The following ST3GAL3 variants were observed in gnomAD, a reference collection of about 807,000 sequenced individuals.
ST3GAL3 encodes the protein ST3 beta-galactoside alpha-2,3-sialyltransferase 3.
ST3GAL3 carries 21 observed loss-of-function variants against 50.1 expected under a neutral mutation model. The observed-to-expected ratio is 0.42, with a 90% CI of 0.30 to 0.60. The LOEUF (loss-of-function observed/expected upper bound fraction) is 0.60, where lower values mean the gene tolerates loss of function less well. Among genes scored for constraint, ST3GAL3 ranks in the 20% least tolerant of loss-of-function variants. The probability of loss-of-function intolerance (pLI) is 0.19; values close to 1 mark genes in which losing one functional copy is unlikely to be tolerated. For missense variants in ST3GAL3, 353 were observed against 489.4 expected (o/e 0.72, Z 2.63); for synonymous variants, 183 against 190.0 (o/e 0.96, Z 0.30).
At chr1:43,825,525 G>C (rs1230340478) in intron 4 of ST3GAL3, among the ~76,000 whole-genome samples, 1 of 152,168 alleles carries the variant, frequency 6.6e-6, no homozygotes, top group African/African-American at 2.4e-5. Flanking sequence ...AAATGTATGT[G>C]TAAAGATGTA....
intron 5 of ST3GAL3, chr1:43,840,489 A>G (rs899100232): frequency 1.3e-5 from 2 of 152,072 alleles, no homozygotes; most frequent in Non-Finnish European, 1.5e-5. Context: ...CATTAACTCA[A>G]AAGTCCTACT....
intron 2 of ST3GAL3, among the ~76,000 whole-genome samples, chr1:43,769,216 T>C (rs536039668): frequency 6.5e-4 from 99 of 152,340 alleles, no homozygotes; most frequent in Non-Finnish European, 1.3e-3. Flanking sequence ...CATGTGTTGA[T>C]GCTGGAACTG....
intron 1 of ST3GAL3, among the ~76,000 whole-genome samples, chr1:43,714,231 T>C (rs1364881620): frequency 6.9e-6 from 1 of 145,638 alleles, no homozygotes; most frequent in Non-Finnish European, 1.5e-5. Flanking sequence ...GCCACTGCAC[T>C]CCAGCCTGGG....
chr1:43,720,097 G>T (rs905805199), intron 1 of ST3GAL3, among the ~76,000 whole-genome samples: 1 of 152,034 alleles, frequency 6.6e-6, no homozygotes, highest in East Asian at 1.9e-4. Flanking sequence ...AGAATAATTG[G>T]CTAGGCATGT....
chr1:43,801,385 A>G (rs1269392878), intron 3 of ST3GAL3: 1 of 456,148 alleles, frequency 2.2e-6, no homozygotes, highest in Non-Finnish European at 4.4e-6. Flanking sequence ...CTCATCATGT[A>G]CAACCGTATT....
At chr1:43,888,226 C>T (rs2076236877) in intron 5 of ST3GAL3, among the ~76,000 whole-genome samples, 1 of 152,024 alleles carries the variant, frequency 6.6e-6, no homozygotes, top group South Asian at 2.1e-4. Context: ...CATGAAAACA[C>T]ACAAGTACTA....
intron 5 of ST3GAL3, among the ~76,000 whole-genome samples, chr1:43,859,321 A>G (rs962450848): frequency 6.6e-6 from 1 of 152,166 alleles, no homozygotes; most frequent in East Asian, 1.9e-4. Context: ...ACTTCCGAAC[A>G]TAGTTTGAAA....
chr1:43,743,252 C>T (rs1681838408), intron 2 of ST3GAL3, among the ~76,000 whole-genome samples: 1 of 150,716 alleles, frequency 6.6e-6, no homozygotes, highest in African/African-American at 2.4e-5. Context: ...AACAGAGCCC[C>T]CTTATAGAGC....
chr1:43,817,745 T>TCC (rs149156219), intron 4 of ST3GAL3, among the ~76,000 whole-genome samples: 15 of 41,324 alleles, frequency 3.6e-4, no homozygotes, highest in Non-Finnish European at 8.5e-4. Flanking sequence ...CTCCTCCTCC[T>TCC]TCTTCCTCCT....
At chr1:43,929,176 C>T (rs1297937920) in intron 11 of ST3GAL3, among the ~76,000 whole-genome samples, 1 of 152,130 alleles carries the variant, frequency 6.6e-6, no homozygotes, top group Non-Finnish European at 1.5e-5. Flanking sequence ...CAAATGTGCT[C>T]ACCATAAAAA....
intron 9 of ST3GAL3, among the ~76,000 whole-genome samples, chr1:43,906,239 C>T (rs2079618233): frequency 7.3e-6 from 1 of 137,462 alleles, no homozygotes; most frequent in African/African-American, 2.8e-5. Context: ...CCTCCTGCTC[C>T]TCTTCCTGCC....
intron 4 of ST3GAL3, among the ~76,000 whole-genome samples, chr1:43,817,627 CT>C (rs2061503653): frequency 8.1e-6 from 1 of 122,894 alleles, no homozygotes; most frequent in Non-Finnish European, 1.7e-5. Context: ...CTCCTCCTCC[CT>C]TCTCCTCCTC....
chr1:43,804,018 G>T (rs761819094), intron 3 of ST3GAL3, among the ~76,000 whole-genome samples: 12 of 152,192 alleles, frequency 7.9e-5, no homozygotes, highest in Non-Finnish European at 1.5e-4. Flanking sequence ...GTATCTTCAG[G>T]TGCTAGGAGA....
chr1:43,922,997 G>A (rs546288493), intron 11 of ST3GAL3, among the ~76,000 whole-genome samples: 1 of 151,854 alleles, frequency 6.6e-6, no homozygotes, highest in Admixed American at 6.6e-5. Context: ...GCTGAGGAAG[G>A]AGAATGGTGT....
intron 3 of ST3GAL3, among the ~76,000 whole-genome samples, chr1:43,813,909 A>G (rs11210929): frequency 0.046 from 4,615 of 99,496 alleles, 212 homozygotes; most frequent in African/African-American, 0.2. Flanking sequence ...ACACGCACAC[A>G]CACACACACA....
At chr1:43,801,475 G>C in intron 3 of ST3GAL3, 1 of 428,080 alleles carries the variant, frequency 2.3e-6, no homozygotes, top group Admixed American at 2.5e-5. Context: ...CCTTCAAGAA[G>C]CTCTCTCTTT....
intron 2 of ST3GAL3, among the ~76,000 whole-genome samples, chr1:43,755,740 A>G (rs1299442013): frequency 6.6e-6 from 1 of 152,244 alleles, no homozygotes; most frequent in African/African-American, 2.4e-5. Flanking sequence ...TAGGTAAATT[A>G]GAAAGATACA....
At chr1:43,786,885 G>T (rs1472521804) in intron 2 of ST3GAL3, among the ~76,000 whole-genome samples, 1 of 152,126 alleles carries the variant, frequency 6.6e-6, no homozygotes, top group Non-Finnish European at 1.5e-5. Context: ...CTACTTGAGG[G>T]AACAATTTTC....
intron 2 of ST3GAL3, among the ~76,000 whole-genome samples, chr1:43,785,660 G>A (rs1296553994): frequency 2.0e-5 from 3 of 151,986 alleles, no homozygotes; most frequent in African/African-American, 4.8e-5. Flanking sequence ...TAATGTGGGC[G>A]CTAGGGCCCA....
Sources: gnomAD v4.1 joint callset for allele counts (sites outside exome capture counted in the v4.1 genomes callset) on GRCh38, gnomAD v4.1.1 for gene constraint, MANE v1.5 for transcripts, NCBI Gene and HGNC (gene_info 2026-07-23, HGNC 2026-07-21) for gene names.